Variants in TEAD1 observed in about 807,000 individuals in gnomAD.
TEAD1 encodes the protein TEA domain transcription factor 1, also known as transcriptional enhancer factor TEF-1.
TEAD1 carries 9 observed loss-of-function variants against 54.9 expected under a neutral mutation model. The ratio of observed to expected loss-of-function variants is 0.16; its 90% CI spans 0.10 to 0.29. The LOEUF (loss-of-function observed/expected upper bound fraction) is 0.29. TEAD1 is among the 10% of genes least tolerant of loss of function. TEAD1 has a pLI of 1.00. For missense variants in TEAD1, 387 were observed against 535.9 expected (o/e 0.72, Z 2.74); for synonymous variants, 200 against 187.8 (o/e 1.07, Z -0.53).
intron 5 of TEAD1, among the ~76,000 whole-genome samples, chr11:12,872,968 C>T (rs1947784255): frequency 6.6e-6 from 1 of 152,168 alleles, no homozygotes; most frequent in African/African-American, 2.4e-5. Context: ...GACACAGAGG[C>T]GTGGAATGGC....
At chr11:12,815,030 G>A (rs188108157) in intron 3 of TEAD1, among the ~76,000 whole-genome samples, 2 of 152,276 alleles carry the variant, frequency 1.3e-5, no homozygotes, top group African/African-American at 4.8e-5. Context: ...TAATGGAGAT[G>A]TTTCTGCTGA....
chr11:12,694,074 C>T (rs929630371), intron 2 of TEAD1, among the ~76,000 whole-genome samples: 8 of 152,182 alleles, frequency 5.3e-5, no homozygotes, highest in African/African-American at 1.9e-4. Context: ...CTCTGCTGTG[C>T]GGCCCGGCAC....
intron 2 of TEAD1, among the ~76,000 whole-genome samples, chr11:12,752,445 GT>G (rs916617884): frequency 2.6e-5 from 4 of 152,052 alleles, no homozygotes; most frequent in Non-Finnish European, 1.5e-5. Context: ...ACCCTAAAGG[GT>G]GGTTGCTACC....
Position 12,902,140 on chromosome 11 carries a change from G to A in TEAD1, c.873+27G>A, listed in dbSNP as rs114648839. 7,719 of 1,613,716 alleles carry A rather than the reference G, an allele frequency of 4.8e-3. 136 individuals carry two copies. The African/African-American group carries it at 0.052, about 11-fold the overall frequency. On this transcript the variant is annotated intron_variant, in intron 10 of 12. Coordinates refer to ENST00000527636, the MANE Select transcript of TEAD1 (RefSeq NM_021961.6). ...TGAGTAAGACATTGCTGTGATTTCC[G>A]TGGTTTTTGTCTGAATGGTCACATC...
intron 3 of TEAD1, among the ~76,000 whole-genome samples, chr11:12,804,289 G>C (rs1045330760): frequency 6.6e-6 from 1 of 152,146 alleles, no homozygotes. Context: ...CCTTAATATG[G>C]GCAGAGAAGT....
intron 3 of TEAD1, chr11:12,851,184 A>AG (rs569469795): frequency 4.5e-4 from 335 of 742,366 alleles, no homozygotes; most frequent in Non-Finnish European, 5.3e-4. Flanking sequence ...CTTAAAAAAA[A>AG]GTCATACATA....
intron 5 of TEAD1, among the ~76,000 whole-genome samples, chr11:12,871,636 CT>C (rs1344921325): frequency 1.3e-5 from 2 of 152,080 alleles, no homozygotes; most frequent in African/African-American, 2.4e-5. Flanking sequence ...TCCTTTCTTG[CT>C]GTTTTCAGAA....
chr11:12,882,475 A>G (rs549196220), intron 8 of TEAD1, among the ~76,000 whole-genome samples: 2 of 152,194 alleles, frequency 1.3e-5, no homozygotes, highest in East Asian at 1.9e-4. Flanking sequence ...CCTTTGCACT[A>G]CTTGAGGTGT....
At chr11:12,886,663 GA>G (rs989430289) in intron 9 of TEAD1, among the ~76,000 whole-genome samples, 1 of 151,220 alleles carries the variant, frequency 6.6e-6, no homozygotes, top group Admixed American at 6.6e-5. Flanking sequence ...TGTCACAACT[GA>G]TTTTTTTTTT....
intron 9 of TEAD1, among the ~76,000 whole-genome samples, chr11:12,885,525 C>A (rs1242887625): frequency 1.3e-5 from 2 of 152,062 alleles, no homozygotes; most frequent in Non-Finnish European, 2.9e-5. Flanking sequence ...GCGTGAGGCA[C>A]CGCACCCGGG....
chr11:12,758,178 A>G (rs1166542104), intron 2 of TEAD1, among the ~76,000 whole-genome samples: 1 of 151,878 alleles, frequency 6.6e-6, no homozygotes, highest in African/African-American at 2.4e-5. Flanking sequence ...AGGGAGGGAC[A>G]CTGGGGTGCA....
intron 3 of TEAD1, among the ~76,000 whole-genome samples, chr11:12,820,030 G>T (rs1234896519): frequency 2.9e-5 from 4 of 139,008 alleles, no homozygotes; most frequent in African/African-American, 1.0e-4. Context: ...CTGGGGCAGG[G>T]AGTTGTGGGG....
At chr11:12,899,469 A>G (rs1316233068) in intron 9 of TEAD1, among the ~76,000 whole-genome samples, 2 of 152,048 alleles carry the variant, frequency 1.3e-5, no homozygotes, top group African/African-American at 4.8e-5. Flanking sequence ...TGTCTCATAC[A>G]TTTCCATGGG....
At chr11:12,844,012 CTT>C (rs1442896906) in intron 3 of TEAD1, among the ~76,000 whole-genome samples, 3 of 152,150 alleles carry the variant, frequency 2.0e-5, no homozygotes, top group Admixed American at 2.0e-4. Flanking sequence ...GTGAAGTCCT[CTT>C]ATAGCTAAAT....
intron 2 of TEAD1, among the ~76,000 whole-genome samples, chr11:12,716,929 C>A (rs117968925): frequency 6.6e-6 from 1 of 152,196 alleles, no homozygotes; most frequent in Non-Finnish European, 1.5e-5. Context: ...GGCTTCCCGC[C>A]CTGAGGTCAC....
chr11:12,855,584 G>T (rs996942102), intron 3 of TEAD1, among the ~76,000 whole-genome samples: 1 of 151,952 alleles, frequency 6.6e-6, no homozygotes. Flanking sequence ...CATTGCGCCT[G>T]ACCAGGTTGT....
intron 9 of TEAD1, among the ~76,000 whole-genome samples, chr11:12,890,527 A>T (rs1465919239): frequency 1.3e-5 from 2 of 152,212 alleles, no homozygotes; most frequent in Non-Finnish European, 2.9e-5. Context: ...ACCGCAGCTC[A>T]GCCTCAGTTT....
intron 3 of TEAD1, among the ~76,000 whole-genome samples, chr11:12,857,975 G>T (rs1947425311): frequency 6.6e-6 from 1 of 152,158 alleles, no homozygotes; most frequent in African/African-American, 2.4e-5. Flanking sequence ...AGTCCCATGA[G>T]CTACCACAGT....
intron 3 of TEAD1, among the ~76,000 whole-genome samples, chr11:12,795,157 A>T (rs1420368387): frequency 6.6e-6 from 1 of 152,190 alleles, no homozygotes; most frequent in African/African-American, 2.4e-5. Context: ...CCTTTCTCTT[A>T]AAGGCTACTG....
Sources: gnomAD v4.1 joint callset for allele counts (sites outside exome capture counted in the v4.1 genomes callset) on GRCh38, gnomAD v4.1.1 for gene constraint, MANE v1.5 for transcripts, NCBI Gene and HGNC (gene_info 2026-07-23, HGNC 2026-07-21) for gene names.